GAK: variants seen among roughly 807,000 people sequenced by gnomAD.
GAK encodes cyclin G associated kinase.
Under a neutral mutation model 143.9 loss-of-function variants are expected in GAK, and 79 were observed. That is an observed-to-expected ratio of 0.55 (90% CI 0.46 to 0.66). GAK has a LOEUF of 0.66. Among genes scored for constraint, GAK ranks in the 30% least tolerant of loss-of-function variants. GAK has a pLI of 0.00. For synonymous variants in GAK, 881 were observed against 765.5 expected (o/e 1.15, Z -2.49); for missense variants, 1,693 against 1,779.7 (o/e 0.95, Z 0.88).
Position 866,395 on chromosome 4 carries a change from G to C in GAK, c.3012C>G (p.Pro1004=). Residue 1004 remains proline (P), a synonymous_variant, in exon 22 of 28, where the codon CCC becomes CCG. Transcript: ENST00000314167. ...PSFPSAHSAP[P]PSCSADFLHL... ...GCAGGAAGTCGGCGCTGCAGGATGG[G>C]GGCGGAGCACTGTGGGCAGACGGGA... 1 of 1,614,076 alleles carries C rather than the reference G, an allele frequency of 6.2e-7. No individual in the cohort carries two copies. Among genetic ancestry groups the C allele is most frequent in the South Asian group, 1.1e-5 (1 of 91,080 alleles).
At chr4:888,680 G>A in intron 11 of GAK, 167 bp downstream of exon 11, 1 of 770,640 alleles carries the variant, frequency 1.3e-6, no homozygotes, top group South Asian at 1.9e-5. Flanking sequence ...TGGGATGCTG[G>A]GCTCATTCCG....
At position 907,097 on chromosome 4, in the gene GAK, C is replaced by T. The variant is rs140018846; in HGVS notation, c.383-2318G>A. Among the ~76,000 whole-genome samples the T allele has an allele frequency of 9.8e-5, 15 of 152,358 alleles. No individual in the cohort carries two copies. In the East Asian group the frequency reaches 2.7e-3, roughly 27 times the overall value. ...TGCCTGCACACAGCAGAGCGTGTAGCCGACTCAATTCCACTGACAATGAAG... is the reference window on the plus strand; with the variant it reads ...TGCCTGCACACAGCAGAGCGTGTAGTCGACTCAATTCCACTGACAATGAAG... On this transcript the variant is annotated intron_variant, in intron 4 of 27. Transcript: ENST00000314167.
intron 12 of GAK, 150 bp from the exon 13 acceptor site, chr4:883,613 T>C (rs1715627161): frequency 1.2e-6 from 1 of 841,752 alleles, no homozygotes; most frequent in Non-Finnish European, 1.9e-6. Flanking sequence ...CCCCTCACCC[T>C]CCGTGGACTC....
chr4:889,044 C>T (rs1464907399), intron 10 of GAK, 74 bp from the exon 11 acceptor site: 2 of 1,478,054 alleles, frequency 1.4e-6, no homozygotes, highest in Admixed American at 2.2e-5. Flanking sequence ...GCTGGCTGGG[C>T]CCAGGCCCCA....
chr4:873,789 A>G (rs187811869), intron 18 of GAK, among the ~76,000 whole-genome samples: 14 of 152,288 alleles, frequency 9.2e-5, no homozygotes, highest in Admixed American at 2.0e-4. Context: ...AAGGGTTTTG[A>G]AGTATGGCTC....
intron 1 of GAK, 186 bp from the exon 2 acceptor site, chr4:913,854 A>T (rs1372126287): frequency 1.9e-6 from 1 of 514,738 alleles, no homozygotes; most frequent in Non-Finnish European, 3.5e-6. Context: ...GCCCCCACAC[A>T]CACAGCCCCA....
At position 870,585 on chromosome 4, in the gene GAK, C is replaced by T. The variant is rs576233628; in HGVS notation, c.2248+126G>A. The T allele has an allele frequency of 6.6e-6, 6 of 913,654 alleles. No individual in the cohort carries two copies. In the South Asian group the frequency reaches 8.3e-5, roughly 13 times the overall value. 56.6% of individuals were successfully genotyped at this position (913,654 alleles called of 1,614,324 possible). On this transcript the variant is annotated intron_variant, in intron 19 of 27. Coordinates refer to ENST00000314167, the MANE Select transcript of GAK (RefSeq NM_005255.4). ...TTTCCAAAACCTCCTGCAGCCCAAG[C>T]TGCTCAGGGCCTGGGTGCAGCAGCA...
intron 1 of GAK, among the ~76,000 whole-genome samples, chr4:930,538 G>A (rs1725490777): frequency 2.0e-5 from 3 of 150,052 alleles, no homozygotes; most frequent in Non-Finnish European, 4.4e-5. Flanking sequence ...AGCTCACACT[G>A]TCTGTACCAC....
chr4:856,600 A>ACCT (rs1560281756), intron 24 of GAK, among the ~76,000 whole-genome samples: 4 of 129,032 alleles, frequency 3.1e-5, no homozygotes, highest in Non-Finnish European at 6.4e-5. Flanking sequence ...AGGTGCTCAC[A>ACCT]GCTGCTCACC....
At chr4:911,472 G>T (rs1722036191) in intron 4 of GAK, among the ~76,000 whole-genome samples, 2 of 152,212 alleles carry the variant, frequency 1.3e-5, no homozygotes, top group Admixed American at 1.3e-4. Flanking sequence ...TGGCCCACCG[G>T]GACAGTGGGA....
intron 24 of GAK, among the ~76,000 whole-genome samples, chr4:858,814 A>G (rs1261698732): frequency 6.6e-6 from 1 of 152,164 alleles, no homozygotes; most frequent in Non-Finnish European, 1.5e-5. Flanking sequence ...CACTCAGGGA[A>G]GGACAGGAGA....
At chr4:896,078 A>G (rs1396997224) in intron 7 of GAK, among the ~76,000 whole-genome samples, 7 of 152,186 alleles carry the variant, frequency 4.6e-5, no homozygotes, top group Non-Finnish European at 7.3e-5. Flanking sequence ...CCTGGGCGAC[A>G]TGGTGAGACC....
intron 18 of GAK, among the ~76,000 whole-genome samples, chr4:875,704 A>T (rs993334059): frequency 6.6e-6 from 1 of 152,242 alleles, no homozygotes; most frequent in Non-Finnish European, 1.5e-5. Context: ...GTTAAATGGG[A>T]GGCCGAGGCA....
chr4:893,022 G>A (rs1027886906), intron 9 of GAK, among the ~76,000 whole-genome samples: 1 of 152,160 alleles, frequency 6.6e-6, no homozygotes. Context: ...TGCAGGGTCC[G>A]GACGAAGCAG....
At chr4:928,818 C>A (rs1725235400) in intron 1 of GAK, among the ~76,000 whole-genome samples, 2 of 152,006 alleles carry the variant, frequency 1.3e-5, no homozygotes, top group South Asian at 4.1e-4. Flanking sequence ...GGCTGGAGTG[C>A]AATGGCGTGA....
chr4:867,086 G>A lies in GAK; in HGVS notation c.2742C>T (p.Leu914=). The change falls in exon 21 of 28, where the codon CTC becomes CTT. Residue 914 remains leucine (L), a synonymous_variant. Transcript: ENST00000314167. ...GGGAGGCGGCCTCAGGGGGCCCAAGGAGGCAGCTGAGCAGGTCGGTGTTGC... is the reference window on the plus strand; with the variant it reads ...GGGAGGCGGCCTCAGGGGGCCCAAGAAGGCAGCTGAGCAGGTCGGTGTTGC... ...PSSNTDLLSC[L]LGPPEAASQG... 8 of 1,550,454 alleles carry A rather than the reference G, an allele frequency of 5.2e-6. No homozygotes were observed. Among genetic ancestry groups the A allele is most frequent in the Non-Finnish European group, 6.1e-6 (7 of 1,147,172 alleles).
intron 2 of GAK, among the ~76,000 whole-genome samples, chr4:913,039 C>T (rs1392164876): frequency 6.6e-6 from 1 of 152,198 alleles, no homozygotes; most frequent in Non-Finnish European, 1.5e-5. Context: ...CCCAAATGGG[C>T]CAGAGTAAAA....
Position 880,044 on chromosome 4 carries a change from C to G in GAK, c.1661+1863G>C, listed in dbSNP as rs115785203. Among the ~76,000 whole-genome samples, 1,382 of 151,342 alleles carry G rather than the reference C, an allele frequency of 9.1e-3. 15 individuals are homozygous for G. The highest frequency in any genetic ancestry group is 0.032 in the African/African-American group (1,314 of 41,188). Reference sequence around the variant, plus strand: ...CTCTTTCCACAGCTCTGACGAATGCCCCACTGGACCATGCACCCTGCATGA... The same window carrying G: ...CTCTTTCCACAGCTCTGACGAATGCGCCACTGGACCATGCACCCTGCATGA... On this transcript the variant is annotated intron_variant, in intron 15 of 27. Transcript: ENST00000314167.
At chr4:851,270 A>T (rs1178892145) in intron 25 of GAK, 186 bp from the exon 26 acceptor site, 1 of 504,848 alleles carries the variant, frequency 2.0e-6, no homozygotes, top group African/African-American at 1.9e-5. Flanking sequence ...GCTAATTTTT[A>T]CATTTTTTGT....
Sources: allele counts gnomAD v4.1 joint callset (sites outside exome capture counted in the v4.1 genomes callset), GRCh38; gene constraint gnomAD v4.1.1; transcripts MANE v1.5; gene names NCBI Gene and HGNC (gene_info 2026-07-23, HGNC 2026-07-21).